The following B4GALNT3 variants were observed in gnomAD, a reference collection of about 807,000 sequenced individuals.
The protein encoded by B4GALNT3 is beta-1,4-N-acetyl-galactosaminyltransferase 3, also known as beta-1,4-N-acetylgalactosaminyltransferase 3.
B4GALNT3 carries 86 observed loss-of-function variants against 120.2 expected under a neutral mutation model. That is an observed-to-expected ratio of 0.72 (90% confidence interval 0.60 to 0.86). B4GALNT3 has a LOEUF of 0.86. B4GALNT3 is among the 40% of genes least tolerant of loss of function. The pLI is 0.00. For synonymous variants in B4GALNT3, 518 were observed against 510.4 expected (o/e 1.01, Z -0.20); for missense variants, 1,167 against 1,298.9 (o/e 0.90, Z 1.56).
At chr12:476,924 A>C (rs1157380394) in intron 1 of B4GALNT3, among the ~76,000 whole-genome samples, 1 of 152,202 alleles carries the variant, frequency 6.6e-6, no homozygotes, top group Non-Finnish European at 1.5e-5. Flanking sequence ...TCTCCAATAG[A>C]ACATGAAATT....
At position 561,425 on chromosome 12, in the gene B4GALNT3, A is replaced by G. The variant is rs186315225; in HGVS notation, c.2971A>G (p.Ser991Gly). 6.2e-6 allele frequency: 10 copies of G among 1,613,514 alleles called. No individual in the cohort carries two copies. In the East Asian group the frequency reaches 1.8e-4, roughly 29 times the overall value. The change falls in exon 20 of 20, where the codon AGC becomes GGC. Residue 991 changes from serine to glycine, a missense_variant. This residue lies in a region of B4GALNT3 where 983 missense variants were observed against 1,102.5 expected (regional missense o/e 0.89). Transcript: ENST00000266383. The part of the protein sequence containing the change: ...HHFHSKRGMW[S>G]RRQMKTL ...TTTCCATTCCAAGCGAGGCATGTGG[A>G]GCCGTCGCCAGATGAAGACGCTGTA... is the stretch of plus-strand genomic sequence containing the variant.
intron 1 of B4GALNT3, among the ~76,000 whole-genome samples, chr12:498,684 G>A (rs1485585946): frequency 6.6e-6 from 1 of 152,224 alleles, no homozygotes; most frequent in African/African-American, 2.4e-5. Flanking sequence ...ACGCTAGCTG[G>A]TGGAAGACCT....
chr12:483,610 A>G (rs185848071), intron 1 of B4GALNT3, among the ~76,000 whole-genome samples: 2 of 152,216 alleles, frequency 1.3e-5, no homozygotes, highest in East Asian at 3.9e-4. Context: ...AGGTAGGAGG[A>G]TCGTTTGAGC....
Position 545,403 on chromosome 12 carries a change from C to T in B4GALNT3, c.573C>T (p.Asn191=), listed in dbSNP as rs1565607968. The part of the protein sequence containing the change: ...KIQFAIAADD[N]AEFWLSLDDQ... Reference sequence around the variant, plus strand: ...AGTTTGCCATTGCTGCAGATGACAACGCGGAGTTCTGGCTGAGCCTCGATG... The same window carrying T: ...AGTTTGCCATTGCTGCAGATGACAATGCGGAGTTCTGGCTGAGCCTCGATG... The change falls in exon 6 of 20, where the codon AAC becomes AAT. Residue 191 remains asparagine (N), a synonymous_variant. Transcript: ENST00000266383. 5 of 1,612,032 alleles carry T rather than the reference C, an allele frequency of 3.1e-6. No individual in the cohort carries two copies. Among genetic ancestry groups the T allele is most frequent in the East Asian group, 4.5e-5 (2 of 44,868 alleles).
chr12:462,257 A>C (rs1946029251), intron 1 of B4GALNT3, among the ~76,000 whole-genome samples: 1 of 152,014 alleles, frequency 6.6e-6, no homozygotes, highest in South Asian at 2.1e-4. Flanking sequence ...CATTTTGTTT[A>C]GCCAGTGGGA....
intron 1 of B4GALNT3, among the ~76,000 whole-genome samples, chr12:465,404 G>A (rs1946067008): frequency 1.3e-5 from 2 of 152,092 alleles, no homozygotes; most frequent in African/African-American, 2.4e-5. Flanking sequence ...GTGTTTATCA[G>A]GGACTGATCC....
intron 1 of B4GALNT3, among the ~76,000 whole-genome samples, chr12:496,470 C>T (rs1320773808): frequency 6.6e-6 from 1 of 152,014 alleles, no homozygotes; most frequent in Non-Finnish European, 1.5e-5. Context: ...CGTGGTGGCA[C>T]ACACCTGTGA....
At chr12:481,611 C>A (rs1946243458) in intron 1 of B4GALNT3, among the ~76,000 whole-genome samples, 1 of 152,244 alleles carries the variant, frequency 6.6e-6, no homozygotes, top group Admixed American at 6.5e-5. Flanking sequence ...GGGCCCCTGT[C>A]TGCCAGAGTG....
intron 14 of B4GALNT3, chr12:555,205 A>G: frequency 3.0e-6 from 1 of 329,360 alleles, no homozygotes; most frequent in Non-Finnish European, 6.1e-6. Flanking sequence ...AAGAAAAAAA[A>G]AAAGAAACCG....
intron 1 of B4GALNT3, among the ~76,000 whole-genome samples, chr12:509,050 G>T (rs1035628937): frequency 6.6e-6 from 1 of 152,206 alleles, no homozygotes; most frequent in Non-Finnish European, 1.5e-5. Flanking sequence ...CCCAGCAGGT[G>T]TCTAAGACAG....
chr12:549,299 C>A (rs1362454454), intron 9 of B4GALNT3, among the ~76,000 whole-genome samples: 1 of 152,142 alleles, frequency 6.6e-6, no homozygotes. Context: ...TGATGTTGGG[C>A]AAATGACTTA....
chr12:490,995 T>C (rs1353963756), intron 1 of B4GALNT3, among the ~76,000 whole-genome samples: 1 of 151,250 alleles, frequency 6.6e-6, no homozygotes, highest in Non-Finnish European at 1.5e-5. Flanking sequence ...TTCTAGAAGA[T>C]AGAAGCAGAG....
intron 1 of B4GALNT3, among the ~76,000 whole-genome samples, chr12:461,371 G>A (rs528181766): frequency 1.3e-5 from 2 of 152,340 alleles, no homozygotes; most frequent in South Asian, 4.1e-4. Context: ...ACAGGAGAGC[G>A]TGGTCTCTTT....
intron 1 of B4GALNT3, among the ~76,000 whole-genome samples, chr12:505,051 T>C (rs1322642205): frequency 6.6e-6 from 1 of 152,026 alleles, no homozygotes; most frequent in Non-Finnish European, 1.5e-5. Flanking sequence ...CCACCACGCC[T>C]GGCTAATGTT....
intron 14 of B4GALNT3, 88 bp from the exon 15 acceptor site, chr12:556,459 A>G (rs2120739402): frequency 2.2e-6 from 3 of 1,336,500 alleles, no homozygotes; most frequent in East Asian, 2.3e-5. Flanking sequence ...GGGTCTCCCA[A>G]CAACTAGCTT....
intron 1 of B4GALNT3, among the ~76,000 whole-genome samples, chr12:474,680 CCAAG>C (rs1223973468): frequency 6.6e-6 from 1 of 151,830 alleles, no homozygotes; most frequent in Non-Finnish European, 1.5e-5. Flanking sequence ...TTAGCCCAGG[CCAAG>C]CATGGTGGCA....
intron 14 of B4GALNT3, among the ~76,000 whole-genome samples, chr12:554,617 C>T (rs12303929): frequency 6.6e-4 from 98 of 148,836 alleles, no homozygotes; most frequent in African/African-American, 1.6e-3. Context: ...GGTGAAACCC[C>T]GTCTCTACTA....
intron 1 of B4GALNT3, among the ~76,000 whole-genome samples, chr12:530,551 C>T (rs1165378776): frequency 6.6e-6 from 1 of 152,210 alleles, no homozygotes; most frequent in Admixed American, 6.5e-5. Flanking sequence ...AAATAACAAG[C>T]TGCCATGTGT....
rs1947113813 is a variant in B4GALNT3, at chr12:553,910, C to T, written c.1987C>T (p.Leu663=). Residue 663 remains leucine, a synonymous_variant, in exon 14 of 20, where the codon CTG becomes TTG. Transcript: ENST00000266383. The part of the protein sequence containing the change: ...IDLSCNTSGN[L]LLPEQEALEV... ...TCTGAGCTGTAACACATCTGGCAAC[C>T]TGCTGCTTCCAGAGCAGGAAGCTCT... 12 of 1,614,140 alleles carry T rather than the reference C, an allele frequency of 7.4e-6. No individual in the cohort carries two copies. The highest frequency in any genetic ancestry group is 9.3e-6 in the Non-Finnish European group (11 of 1,179,992).
Sources: allele counts gnomAD v4.1 joint callset (sites outside exome capture counted in the v4.1 genomes callset), GRCh38; gene constraint gnomAD v4.1.1; regional missense constraint gnomAD v4.1.1; transcripts MANE v1.5; gene names NCBI Gene and HGNC (gene_info 2026-07-23, HGNC 2026-07-21).